The following RSPH14 variants were observed in gnomAD, a reference collection of about 807,000 sequenced individuals.
RSPH14 encodes the protein rhabdoid tumor deletion region gene 1.
In RSPH14, 20 loss-of-function variants were observed where a neutral mutation model predicts 26.7. That is an observed-to-expected ratio of 0.75 (90% CI 0.53 to 1.09). The LOEUF is 1.09. Among genes scored for constraint, RSPH14 ranks in the 50% least tolerant of loss-of-function variants. RSPH14 has a pLI of 0.00. For synonymous variants in RSPH14, 177 were observed against 189.3 expected (o/e 0.93, Z 0.53); for missense variants, 449 against 457.2 (o/e 0.98, Z 0.16).
At chr22:23,092,571 A>G (rs2069012022) in intron 4 of RSPH14, among the ~76,000 whole-genome samples, 2 of 152,108 alleles carry the variant, frequency 1.3e-5, no homozygotes, top group Non-Finnish European at 2.9e-5. Context: ...TGTGATTGCT[A>G]CCTGGCCTCA....
the RSPH14 span, chr22:23,152,321 G>C: frequency 2.5e-6 from 2 of 804,326 alleles, no homozygotes; most frequent in South Asian, 3.0e-5. Flanking sequence ...GGAACACAGT[G>C]TCTCAGCAGG....
intron 6 of RSPH14, 82 bp downstream of exon 6, chr22:23,061,727 C>G (rs779995870): frequency 1.1e-5 from 16 of 1,495,368 alleles, no homozygotes; most frequent in Non-Finnish European, 1.5e-5. Flanking sequence ...GGGGACGATA[C>G]CCAGCCCCTG....
the RSPH14 span, among the ~76,000 whole-genome samples, chr22:23,173,519 A>G: frequency 1.3e-5 from 2 of 151,630 alleles, no homozygotes; most frequent in East Asian, 3.9e-4. Context: ...TAGCTCACTA[A>G]AACTTCAACC....
the RSPH14 span, chr22:23,156,251 G>A: frequency 1.6e-5 from 8 of 502,126 alleles, no homozygotes; most frequent in Admixed American, 3.7e-5. Flanking sequence ...CCCTGTGGTA[G>A]TGGGTGCTGG....
intron 4 of RSPH14, among the ~76,000 whole-genome samples, chr22:23,093,220 G>A (rs922495836): frequency 1.3e-5 from 2 of 152,226 alleles, no homozygotes; most frequent in African/African-American, 4.8e-5. Flanking sequence ...CACTGGGATT[G>A]GGCTGAGTGA....
chr22:23,161,576 G>A, the RSPH14 span: 104 of 1,595,676 alleles, frequency 6.5e-5, no homozygotes, highest in South Asian at 9.5e-4. Flanking sequence ...TGGGGCCTGC[G>A]TGGAAGGCCT....
At chr22:23,089,225 G>A (rs1439633716) in intron 4 of RSPH14, among the ~76,000 whole-genome samples, 3 of 152,212 alleles carry the variant, frequency 2.0e-5, no homozygotes, top group African/African-American at 4.8e-5. Context: ...TAGCCGGCTT[G>A]GGCAGTGAGA....
chr22:23,175,257 C>G, the RSPH14 span, among the ~76,000 whole-genome samples: 1 of 152,098 alleles, frequency 6.6e-6, no homozygotes, highest in Non-Finnish European at 1.5e-5. Context: ...CTCGGCCTCC[C>G]AAAGTGCTGG....
chr22:23,155,685 A>C, the RSPH14 span, among the ~76,000 whole-genome samples: 130 of 152,374 alleles, frequency 8.5e-4, no homozygotes, highest in Non-Finnish European at 1.6e-3. Flanking sequence ...TGTCTCAGTC[A>C]GAAGGGAGTG....
chr22:23,068,120 C>T (rs1157450474), intron 4 of RSPH14, among the ~76,000 whole-genome samples: 1 of 152,234 alleles, frequency 6.6e-6, no homozygotes, highest in African/African-American at 2.4e-5. Flanking sequence ...ACGACCCTGG[C>T]CCCAGCCACA....
upstream of RSPH14, among the ~76,000 whole-genome samples, chr22:23,142,818 C>A (rs965481088): frequency 1.3e-5 from 2 of 152,218 alleles, no homozygotes; most frequent in African/African-American, 4.8e-5. Flanking sequence ...CTGCATAAAA[C>A]CCTCCATGGC....
intron 4 of RSPH14, among the ~76,000 whole-genome samples, chr22:23,085,689 G>A (rs1292386851): frequency 2.6e-5 from 4 of 152,198 alleles, no homozygotes; most frequent in African/African-American, 9.6e-5. Context: ...CCTCCGCCCT[G>A]GTTGTCCCAG....
At chr22:23,171,105 C>G in the RSPH14 span, among the ~76,000 whole-genome samples, 1 of 152,064 alleles carries the variant, frequency 6.6e-6, no homozygotes, top group African/African-American at 2.4e-5. Context: ...GTAGCTGGGA[C>G]TACAGGCGTG....
At chr22:23,175,960 C>T in the RSPH14 span, among the ~76,000 whole-genome samples, 2 of 152,284 alleles carry the variant, frequency 1.3e-5, no homozygotes, top group Non-Finnish European at 2.9e-5. Context: ...CTCAGTCCCT[C>T]TGCCTCTACT....
At chr22:23,132,459 T>G (rs1317975553) in intron 4 of RSPH14, among the ~76,000 whole-genome samples, 1 of 152,220 alleles carries the variant, frequency 6.6e-6, no homozygotes, top group Non-Finnish European at 1.5e-5. Flanking sequence ...ACAGGAACTG[T>G]ATGCAACATT....
At chr22:23,061,499 C>T (rs551409784) in intron 6 of RSPH14, among the ~76,000 whole-genome samples, 15 of 152,254 alleles carry the variant, frequency 9.9e-5, no homozygotes, top group Non-Finnish European at 1.9e-4. Flanking sequence ...CTAATCAACC[C>T]TTGAGTCACA....
At chr22:23,070,540 C>G (rs2068332292) in intron 4 of RSPH14, 1 of 151,382 alleles carries the variant, frequency 6.6e-6, no homozygotes, top group South Asian at 2.1e-4. Flanking sequence ...CCCGGAGCAG[C>G]TCGGCAGATG....
chr22:23,147,556 C>T (rs2070862287), upstream of RSPH14, among the ~76,000 whole-genome samples: 1 of 152,014 alleles, frequency 6.6e-6, no homozygotes, highest in South Asian at 2.1e-4. Flanking sequence ...TGGTCTTGAA[C>T]CCCTGGCCTC....
chr22:23,113,971 CCACCAAGGTGT>C (rs1160990293), intron 4 of RSPH14, among the ~76,000 whole-genome samples: 2 of 152,356 alleles, frequency 1.3e-5, no homozygotes, highest in East Asian at 3.9e-4. Flanking sequence ...ACAGGCAGCC[CCACCAAGGTGT>C]CCCCAAGCTT....
Sources: allele counts gnomAD v4.1 joint callset (sites outside exome capture counted in the v4.1 genomes callset), GRCh38; gene constraint gnomAD v4.1.1; transcripts MANE v1.5; gene names NCBI Gene and HGNC (gene_info 2026-07-23, HGNC 2026-07-21).